The following AKAP12 variants were observed in gnomAD, a reference collection of about 807,000 sequenced individuals.
AKAP12 encodes A-kinase anchor protein 12.
A neutral mutation model predicts 79.9 loss-of-function variants in AKAP12; 32 were observed. That is an observed-to-expected ratio of 0.40 (90% CI 0.30 to 0.54). The LOEUF (loss-of-function observed/expected upper bound fraction) is 0.54. Among genes scored for constraint, AKAP12 ranks in the 20% least tolerant of loss-of-function variants. The pLI, the probability that AKAP12 is intolerant of heterozygous loss-of-function variation, is 0.48. For missense variants in AKAP12, 2,074 were observed against 2,177.0 expected, an observed-to-expected ratio of 0.95 and a Z score of 0.94; for synonymous variants, 808 against 857.0, an observed-to-expected ratio of 0.94 and a Z score of 1.00.
chr6:151,276,328 C>T (rs1462680485), intron 2 of AKAP12, among the ~76,000 whole-genome samples: 1 of 152,198 alleles, frequency 6.6e-6, no homozygotes, highest in Non-Finnish European at 1.5e-5. Flanking sequence ...CAAGTGCTTG[C>T]TAATAGAGCC....
intron 2 of AKAP12, among the ~76,000 whole-genome samples, chr6:151,302,848 G>T (rs1267213139): frequency 6.6e-6 from 1 of 152,108 alleles, no homozygotes; most frequent in Admixed American, 6.5e-5. Context: ...TTTTCTTCCT[G>T]TTACTAATCA....
In AKAP12 at chr6:151,353,368, C is replaced by A; in HGVS notation, c.4977C>A (p.Val1659=). 1 of 1,614,072 alleles carries A rather than the reference C, an allele frequency of 6.2e-7. No homozygotes were observed. The change falls in exon 4 of 5, where the codon GTC becomes GTA. Residue 1659 remains valine, a synonymous_variant. Transcript: ENST00000402676. ...TAAATGATCAGCAGCTGGAAGAGGT[C>A]GTCCTCCCATCTGAGGAAGAGGGAG... ...STVNDQQLEE[V]VLPSEEEGGG...
chr6:151,251,577 T>A (rs897877381), intron 2 of AKAP12, among the ~76,000 whole-genome samples: 4 of 152,160 alleles, frequency 2.6e-5, no homozygotes, highest in Non-Finnish European at 4.4e-5. Flanking sequence ...GACAAGAACA[T>A]CTACTCCATG....
intron 2 of AKAP12, among the ~76,000 whole-genome samples, chr6:151,247,420 AAAC>A: frequency 6.6e-6 from 1 of 152,096 alleles, no homozygotes; most frequent in South Asian, 2.1e-4. Context: ...AAACAAAACA[AAAC>A]AAAAAAACAA....
intron 3 of AKAP12, among the ~76,000 whole-genome samples, chr6:151,312,326 A>G (rs1777124144): frequency 6.6e-6 from 1 of 151,750 alleles, no homozygotes; most frequent in Non-Finnish European, 1.5e-5. Context: ...TAAAAAAATT[A>G]GCTGGACGTG....
chr6:151,341,468 G>A (rs1366890569), intron 3 of AKAP12, among the ~76,000 whole-genome samples: 1 of 152,208 alleles, frequency 6.6e-6, no homozygotes, highest in Non-Finnish European at 1.5e-5. Context: ...GACCCCACTG[G>A]GGCGGTCCGC....
intron 2 of AKAP12, among the ~76,000 whole-genome samples, chr6:151,250,629 G>A (rs564597401): frequency 4.1e-5 from 6 of 146,384 alleles, no homozygotes; most frequent in African/African-American, 7.6e-5. Context: ...TTTTTGAGAC[G>A]GAGTCTCGCT....
chr6:151,291,134 G>T (rs1415191353), intron 2 of AKAP12, among the ~76,000 whole-genome samples: 1 of 152,122 alleles, frequency 6.6e-6, no homozygotes, highest in African/African-American at 2.4e-5. Flanking sequence ...AGGTTCCCTT[G>T]GTCAGTATCA....
Position 151,353,002 on chromosome 6 carries a change from T to G in AKAP12, c.4611T>G (p.Asn1537Lys), listed in dbSNP as rs1303389994. Residue 1537 changes from asparagine (N) to lysine (K), a missense_variant, in exon 4 of 5, where the codon AAT (asparagine) becomes AAG (lysine). Asn to Lys is a moderately conservative substitution (Grantham distance 94). Around this residue, in one of 3 missense-constraint regions of AKAP12, gnomAD observed 614 missense variants for 665.6 expected, o/e 0.92. Transcript: ENST00000402676. ...SVAIEDLEPE[N>K]GILELETKSS... ...CAATTGAGGATTTAGAGCCTGAAAA[T>G]GGGATTTTGGAACTTGAGACCAAAA... 2 of 1,613,938 alleles carry G rather than the reference T, an allele frequency of 1.2e-6. No individual in the cohort carries two copies. The highest frequency in any genetic ancestry group is 4.5e-5 in the East Asian group (2 of 44,860).
chr6:151,274,531 A>G (rs1160572543), intron 2 of AKAP12, among the ~76,000 whole-genome samples: 3 of 152,362 alleles, frequency 2.0e-5, no homozygotes, highest in Middle Eastern at 3.4e-3. Flanking sequence ...GAAGAAAGTC[A>G]TGAATTAAAT....
At chr6:151,277,944 ATGTGTG>A (rs10524824) in intron 2 of AKAP12, among the ~76,000 whole-genome samples, 132 of 148,420 alleles carry the variant, frequency 8.9e-4, no homozygotes, top group African/African-American at 3.0e-3. Context: ...TAATAGGTTT[ATGTGTG>A]TGTGTGTGTG....
intron 3 of AKAP12, among the ~76,000 whole-genome samples, chr6:151,316,681 A>C (rs2114772056): frequency 6.6e-6 from 1 of 152,210 alleles, no homozygotes; most frequent in East Asian, 1.9e-4. Context: ...CCCAGGCTGG[A>C]GTGCAGTGGC....
At chr6:151,252,818 T>G (rs1797211732) in intron 2 of AKAP12, among the ~76,000 whole-genome samples, 1 of 151,470 alleles carries the variant, frequency 6.6e-6, no homozygotes, top group African/African-American at 2.4e-5. Context: ...GATGGCATCA[T>G]GCCACAGTGA....
chr6:151,296,377 A>G (rs779644824), intron 2 of AKAP12, among the ~76,000 whole-genome samples: 21 of 152,184 alleles, frequency 1.4e-4, no homozygotes, highest in Non-Finnish European at 2.4e-4. Context: ...AGGCCTCCTC[A>G]TATTTTTCTT....
Position 151,353,686 on chromosome 6 carries a change from G to A in AKAP12, c.5295G>A (p.Glu1765=). Residue 1765 remains glutamate, a synonymous_variant, in exon 4 of 5, where the codon GAG becomes GAA. Transcript: ENST00000402676. ...AAGCGATCACACCCCAAGCACAGGA[G>A]GAGTTACAGAAACAAGAGAGAGAAT... ...SDKAITPQAQ[E]ELQKQERESA... is the part of the protein sequence containing the mutation. 1.2e-6 allele frequency: 2 copies of A among 1,610,566 alleles called. No individual in the cohort carries two copies. Among genetic ancestry groups the A allele is most frequent in the Admixed American group, 1.7e-5 (1 of 58,808 alleles).
Position 151,350,541 on chromosome 6 carries a change from C to T in AKAP12, c.2150C>T (p.Ala717Val), listed in dbSNP as rs2114826113. 6.2e-7 allele frequency: 1 copy of T among 1,614,022 alleles called. No individual in the cohort carries two copies. Among genetic ancestry groups the T allele is most frequent in the East Asian group, 2.2e-5 (1 of 44,872 alleles). The change falls in exon 4 of 5, where the codon GCC becomes GTC. Residue 717 changes from alanine to valine, a missense_variant. Around this residue, in one of 3 missense-constraint regions of AKAP12, gnomAD observed 1,428 missense variants for 1,451.0 expected, o/e 0.98. Transcript: ENST00000402676. This position sits in a 1 kb window ranked among gnomAD's most constrained non-coding sequence, Gnocchi z 4.8. ...MGGDHQKADE[A>V]GKDKETGTDG... is the part of the protein sequence containing the mutation. Reference sequence around the variant, plus strand: ...GGAGACCACCAGAAAGCTGATGAGGCCGGAAAAGACAAAGAGACGGGGACA... The same window carrying T: ...GGAGACCACCAGAAAGCTGATGAGGTCGGAAAAGACAAAGAGACGGGGACA...
intron 2 of AKAP12, among the ~76,000 whole-genome samples, chr6:151,272,650 C>T (rs1409168338): frequency 6.6e-6 from 1 of 152,156 alleles, no homozygotes; most frequent in African/African-American, 2.4e-5. Flanking sequence ...ATTTTCCTGC[C>T]TCAGCCTCCC....
At chr6:151,325,868 G>A (rs772819425) in intron 3 of AKAP12, 98 of 1,614,026 alleles carry the variant, frequency 6.1e-5, no homozygotes, top group Non-Finnish European at 8.1e-5. Flanking sequence ...AATATGCTGG[G>A]GACCATCACC....
chr6:151,281,586 T>C (rs1478560798), intron 2 of AKAP12, among the ~76,000 whole-genome samples: 1 of 152,230 alleles, frequency 6.6e-6, no homozygotes, highest in Non-Finnish European at 1.5e-5. Flanking sequence ...CTCAACCCAT[T>C]GTATTTTGAT....
Sources: allele counts gnomAD v4.1 joint callset (sites outside exome capture counted in the v4.1 genomes callset), GRCh38; gene constraint gnomAD v4.1.1; regional missense constraint gnomAD v4.1.1; non-coding constraint Gnocchi (gnomAD v3.1); transcripts MANE v1.5; gene names NCBI Gene and HGNC (gene_info 2026-07-23, HGNC 2026-07-21).